The following AOAH variants were observed in gnomAD, a reference collection of about 807,000 sequenced individuals.
AOAH encodes acyloxyacyl hydrolase (neutrophil).
Under a neutral mutation model 92.2 loss-of-function variants are expected in AOAH, and 64 were observed. That is an observed-to-expected ratio of 0.69 (90% confidence interval 0.57 to 0.86). AOAH has a LOEUF of 0.86. Ranked by LOEUF, AOAH falls within the 40% of genes least tolerant of loss-of-function variation. The pLI, the probability that AOAH is intolerant of heterozygous loss-of-function variation, is 0.00. For missense variants in AOAH, 656 were observed against 694.6 expected, an observed-to-expected ratio of 0.94 and a Z score of 0.62; for synonymous variants, 263 against 254.5, an observed-to-expected ratio of 1.03 and a Z score of -0.32.
At chr7:36,547,308 C>T (rs553544432) in intron 15 of AOAH, among the ~76,000 whole-genome samples, 82 of 152,312 alleles carry the variant, frequency 5.4e-4, no homozygotes, top group African/African-American at 1.5e-3. Flanking sequence ...TGACATCTGG[C>T]GTATCAGAGT....
intron 2 of AOAH, among the ~76,000 whole-genome samples, chr7:36,682,409 TAAA>T (rs1010848029): frequency 2.0e-5 from 3 of 152,036 alleles, no homozygotes; most frequent in Non-Finnish European, 2.9e-5. Flanking sequence ...TAATTTCACA[TAAA>T]AATGAGCAAC....
At chr7:36,560,325 G>T (rs1483223782) in intron 13 of AOAH, among the ~76,000 whole-genome samples, 1 of 152,172 alleles carries the variant, frequency 6.6e-6, no homozygotes, top group Non-Finnish European at 1.5e-5. Context: ...GCTTTGGGCA[G>T]TATGGCCATT....
chr7:36,650,430 G>A (rs549909185), intron 4 of AOAH, among the ~76,000 whole-genome samples: 54 of 152,124 alleles, frequency 3.5e-4, no homozygotes, highest in Non-Finnish European at 5.7e-4. Flanking sequence ...GGGGATGCAT[G>A]GTTTTGGATG....
intron 1 of AOAH, among the ~76,000 whole-genome samples, chr7:36,716,623 C>CATTCCATGGCTG (rs368553404): frequency 0.58 from 86,157 of 148,950 alleles, 26,467 homozygotes; most frequent in East Asian, 0.91. Flanking sequence ...CACATACACA[C>CATTCCATGGCTG]CATGGAATAC....
intron 18 of AOAH, among the ~76,000 whole-genome samples, chr7:36,531,774 T>C (rs1221655325): frequency 6.6e-6 from 1 of 152,206 alleles, no homozygotes; most frequent in Non-Finnish European, 1.5e-5. Context: ...ACTTCTGTCA[T>C]GCATAGGGGC....
chr7:36,684,891 A>G lies in AOAH; in HGVS notation c.223+1808T>C, dbSNP rs187468654. On this transcript the variant is annotated intron_variant, in intron 2 of 20. Coordinates refer to ENST00000617537, the MANE Select transcript of AOAH (RefSeq NM_001637.4). ...GTGAGCAGTTCACCCTGGGCGACAG[A>G]CTGAGACCTTGTCTCAAAAAAAAAA... Among the ~76,000 whole-genome samples, 1,047 of 117,744 alleles carry G rather than the reference A, an allele frequency of 8.9e-3. 11 individuals carry two copies. Among genetic ancestry groups the G allele is most frequent in the Non-Finnish European group, 0.014 (841 of 61,076 alleles). The allele number at this position is 117,744 out of a possible 152,430, so 77.2% of individuals were successfully genotyped here. A position where few individuals can be genotyped will look rare whatever the true frequency, so the allele number is the denominator to read the frequency against.
intron 12 of AOAH, among the ~76,000 whole-genome samples, chr7:36,578,601 TC>T (rs1788698203): frequency 6.6e-6 from 1 of 152,228 alleles, no homozygotes; most frequent in South Asian, 2.1e-4. Flanking sequence ...GATGTTTTTC[TC>T]CTCATCTCTA....
intron 19 of AOAH, among the ~76,000 whole-genome samples, chr7:36,524,590 C>T (rs1003855493): frequency 4.0e-5 from 6 of 151,770 alleles, no homozygotes; most frequent in Admixed American, 6.6e-5. Context: ...GCAGGAGAAT[C>T]GCCTGAACAT....
chr7:36,574,260 C>A (rs1477381405), intron 13 of AOAH, among the ~76,000 whole-genome samples: 1 of 152,006 alleles, frequency 6.6e-6, no homozygotes, highest in Non-Finnish European at 1.5e-5. Flanking sequence ...AGAAAATATC[C>A]CCTATTCCCC....
chr7:36,535,156 CTG>C (rs1323942653), intron 16 of AOAH, among the ~76,000 whole-genome samples: 1 of 149,492 alleles, frequency 6.7e-6, no homozygotes, highest in Non-Finnish European at 1.5e-5. Flanking sequence ...GTGTCCGTGT[CTG>C]TGTGTGTGTG....
chr7:36,644,240 G>A lies in AOAH; in HGVS notation c.391-6330C>T, dbSNP rs191748173. On this transcript the variant is annotated intron_variant, in intron 4 of 20. Coordinates refer to ENST00000617537, the MANE Select transcript of AOAH (RefSeq NM_001637.4). ...ACTCCCCCAAAGTCACAGAGCCAAT[G>A]AGTGGCACAGTCCAGATCCAATTCA... Among the ~76,000 whole-genome samples the A allele has an allele frequency of 1.6e-3, 238 of 152,310 alleles. 2 individuals carry two copies. Among genetic ancestry groups the A allele is most frequent in the African/African-American group, 5.6e-3 (234 of 41,552 alleles).
chr7:36,680,204 G>C (rs772050862), intron 2 of AOAH, among the ~76,000 whole-genome samples: 1 of 152,048 alleles, frequency 6.6e-6, no homozygotes, highest in Admixed American at 6.6e-5. Context: ...TAACAATTCC[G>C]AGATTCTTCC....
intron 15 of AOAH, among the ~76,000 whole-genome samples, chr7:36,545,815 GC>G (rs1477765654): frequency 2.0e-5 from 3 of 152,116 alleles, no homozygotes; most frequent in Non-Finnish European, 4.4e-5. Context: ...GGGATGCTGC[GC>G]TGGGATGTTG....
intron 5 of AOAH, among the ~76,000 whole-genome samples, chr7:36,635,896 C>T (rs563882228): frequency 1.7e-4 from 26 of 152,298 alleles, no homozygotes; most frequent in African/African-American, 6.0e-4. Context: ...TTCCATAACT[C>T]AGGTGCTCTT....
At chr7:36,647,109 T>C (rs891700178) in intron 4 of AOAH, among the ~76,000 whole-genome samples, 11 of 152,244 alleles carry the variant, frequency 7.2e-5, no homozygotes, top group African/African-American at 2.7e-4. Flanking sequence ...ACAGCCAGAC[T>C]GTCTCTGCTT....
rs372737412 is a variant in AOAH, at chr7:36,533,239, C to T, written c.1307-895G>A. Reference sequence around the variant, plus strand: ...ACAAAATCCAGGTCTCCCCAAATCTCGGGGGTGAATGACTGACACTGTATC... The same window carrying T: ...ACAAAATCCAGGTCTCCCCAAATCTTGGGGGTGAATGACTGACACTGTATC... On this transcript the variant is annotated intron_variant, in intron 16 of 20. Transcript: ENST00000617537. Among the ~76,000 whole-genome samples, 34 of 152,114 alleles carry T rather than the reference C, an allele frequency of 2.2e-4. No individual in the cohort carries two copies. The East Asian group carries it at 3.7e-3, about 16-fold the overall frequency.
At chr7:36,699,861 A>T (rs889602483) in intron 1 of AOAH, among the ~76,000 whole-genome samples, 6 of 151,994 alleles carry the variant, frequency 3.9e-5, no homozygotes, top group African/African-American at 1.4e-4. Context: ...ACACACAAAA[A>T]TTCTTTGCTC....
rs193139723 is a variant in AOAH, at chr7:36,616,555, A to G, written c.752-81T>C. On this transcript the variant is annotated intron_variant, in intron 10 of 20. Coordinates refer to ENST00000617537, the MANE Select transcript of AOAH (RefSeq NM_001637.4). ...AGACTGGGTAGATATAAGAGCGGAT[A>G]CCCTAGTGTGTATTCCAGGCACCGA... 3.9e-5 allele frequency: 45 copies of G among 1,139,776 alleles called. No homozygotes were observed. In the East Asian group the frequency reaches 1.1e-3, roughly 27 times the overall value. The allele number at this position is 1,139,776 out of a possible 1,614,324, so 70.6% of individuals were successfully genotyped here. A position where few individuals can be genotyped will look rare whatever the true frequency, so the allele number is the denominator to read the frequency against.
At chr7:36,723,992 T>C in intron 1 of AOAH, 30 bp downstream of exon 1, 4 of 1,606,494 alleles carry the variant, frequency 2.5e-6, no homozygotes, top group Non-Finnish European at 3.4e-6. Context: ...TATGTCTACA[T>C]AGAAAATACA....
Sources: gnomAD v4.1 joint callset for allele counts (sites outside exome capture counted in the v4.1 genomes callset) on GRCh38, gnomAD v4.1.1 for gene constraint, MANE v1.5 for transcripts, NCBI Gene and HGNC (gene_info 2026-07-23, HGNC 2026-07-21) for gene names.